STPG2: variants seen among roughly 807,000 people sequenced by gnomAD.
STPG2 encodes the protein sperm-tail PG-rich repeat-containing protein 2.
STPG2 carries 56 observed loss-of-function variants against 54.2 expected under a neutral mutation model. That is an observed-to-expected ratio of 1.03 (90% CI 0.83 to 1.29). STPG2 has a LOEUF of 1.29. Ranked by LOEUF, STPG2 falls within the 50% of genes most tolerant of loss-of-function variation. STPG2 has a pLI of 0.00. For missense variants in STPG2, 596 were observed against 544.9 expected (o/e 1.09, Z -0.93); for synonymous variants, 200 against 181.8 (o/e 1.10, Z -0.81).
rs113691940 is a variant in STPG2 at position 97,463,395 on chromosome 4, G to A, written c.462+249304C>T. The A allele has an allele frequency of 2.6e-5, 4 of 152,194 alleles. No individual in the cohort carries two copies. The South Asian group carries it at 6.2e-4, about 24-fold the overall frequency. 9.4% of individuals were successfully genotyped at this position (152,194 alleles called of 1,614,324 possible). On this transcript the variant is annotated intron_variant, in intron 4 of 4. Coordinates refer to the STPG2 transcript ENST00000522676. ...TAGAAAAGTAGTAGAAAGGATATTA[G>A]AGAGTTTCTGTATATACTATACCAC...
intron 8 of STPG2, among the ~76,000 whole-genome samples, chr4:97,900,089 C>A (rs1471863510): frequency 6.6e-6 from 1 of 151,970 alleles, no homozygotes; most frequent in South Asian, 2.1e-4. Context: ...GAAAAACAAC[C>A]CCATTAAAAA....
At chr4:97,807,557 T>C (rs72686411) in intron 9 of STPG2, among the ~76,000 whole-genome samples, 1,633 of 151,776 alleles carry the variant, frequency 0.011, 9 homozygotes, top group Non-Finnish European at 0.016. Flanking sequence ...AAACAGCAGA[T>C]TATACACAGA....
chr4:97,878,596 G>A (rs1730262181), intron 8 of STPG2, among the ~76,000 whole-genome samples: 1 of 152,118 alleles, frequency 6.6e-6, no homozygotes, highest in African/African-American at 2.4e-5. Flanking sequence ...ACAGCAGCTG[G>A]GACACAGGGC....
chr4:97,460,425 CT>C (rs370528511), intron 4 of STPG2, among the ~76,000 whole-genome samples: 123 of 147,896 alleles, frequency 8.3e-4, no homozygotes, highest in South Asian at 2.2e-3. Context: ...AATTATTTTT[CT>C]TTTTTTTTTA....
At chr4:98,143,019 C>A (rs1740341918) in intron 1 of STPG2, 23 bp downstream of exon 1, 1 of 1,593,760 alleles carries the variant, frequency 6.3e-7, no homozygotes, top group Non-Finnish European at 8.6e-7. Context: ...GTCACAGGAG[C>A]TCTGCCTCTT....
At chr4:97,865,056 C>T (rs1220820592) in intron 8 of STPG2, among the ~76,000 whole-genome samples, 1 of 152,004 alleles carries the variant, frequency 6.6e-6, no homozygotes, top group Non-Finnish European at 1.5e-5. Flanking sequence ...TCTAAAACAC[C>T]AAAAGCAATG....
intron 2 of STPG2, among the ~76,000 whole-genome samples, chr4:98,129,872 C>G (rs957313722): frequency 6.6e-6 from 1 of 151,966 alleles, no homozygotes; most frequent in Admixed American, 6.6e-5. Flanking sequence ...TTCTTTTTTT[C>G]TGAGACAGAG....
chr4:97,808,585 A>C (rs1293344333), intron 9 of STPG2, among the ~76,000 whole-genome samples: 1 of 151,572 alleles, frequency 6.6e-6, no homozygotes, highest in Non-Finnish European at 1.5e-5. Context: ...AATAGGAAAC[A>C]CTTCATCAGT....
intron 7 of STPG2, among the ~76,000 whole-genome samples, chr4:97,961,095 A>G (rs1017932114): frequency 2.0e-5 from 3 of 150,504 alleles, no homozygotes; most frequent in South Asian, 4.2e-4. Context: ...ATAAAATGGA[A>G]AAAAAAAAAC....
intron 5 of STPG2, among the ~76,000 whole-genome samples, chr4:98,081,657 T>A (rs892222981): frequency 6.6e-6 from 1 of 152,204 alleles, no homozygotes; most frequent in Admixed American, 6.5e-5. Context: ...GAGACATGAC[T>A]TGTGTTCATG....
intron 10 of STPG2, among the ~76,000 whole-genome samples, chr4:97,664,319 C>T (rs1027672133): frequency 3.9e-5 from 6 of 152,178 alleles, no homozygotes; most frequent in African/African-American, 1.4e-4. Flanking sequence ...CTGTCTGATT[C>T]CAAAGCTCAT....
At chr4:97,514,599 C>G (rs895249998) in intron 4 of STPG2, among the ~76,000 whole-genome samples, 11 of 152,056 alleles carry the variant, frequency 7.2e-5, no homozygotes, top group African/African-American at 2.7e-4. Flanking sequence ...GTAAACACAA[C>G]TGAATCATTT....
chr4:97,450,330 C>T (rs1729333002), intron 4 of STPG2, among the ~76,000 whole-genome samples: 1 of 152,080 alleles, frequency 6.6e-6, no homozygotes, highest in South Asian at 2.1e-4. Flanking sequence ...AGGCACTCTA[C>T]AAAGATCTAA....
intron 4 of STPG2, among the ~76,000 whole-genome samples, chr4:97,478,853 C>A (rs1183466231): frequency 6.7e-6 from 1 of 148,310 alleles, no homozygotes; most frequent in Non-Finnish European, 1.5e-5. Context: ...ACAAAATGAA[C>A]CCTAGAAACC....
intron 3 of STPG2, among the ~76,000 whole-genome samples, chr4:98,117,557 G>A (rs755389922): frequency 4.6e-5 from 7 of 151,748 alleles, no homozygotes; most frequent in Non-Finnish European, 7.4e-5. Flanking sequence ...TTATGTGTAT[G>A]TTGGTATACT....
intron 7 of STPG2, among the ~76,000 whole-genome samples, chr4:97,959,583 A>AT (rs1461187651): frequency 6.6e-6 from 1 of 152,098 alleles, no homozygotes; most frequent in East Asian, 1.9e-4. Flanking sequence ...ATCTTTATAC[A>AT]TAAAAACTAG....
chr4:97,683,641 A>T (rs1723098818), intron 10 of STPG2, among the ~76,000 whole-genome samples: 1 of 151,778 alleles, frequency 6.6e-6, no homozygotes. Context: ...TAACATCTAC[A>T]AAAAACCAAA....
At chr4:97,632,595 G>A (rs2148934169) in intron 10 of STPG2, among the ~76,000 whole-genome samples, 1 of 152,156 alleles carries the variant, frequency 6.6e-6, no homozygotes, top group Middle Eastern at 3.4e-3. Flanking sequence ...CAAAAAGAAT[G>A]TAACACATTT....
At chr4:97,977,904 G>A (rs1014631821) in intron 6 of STPG2, among the ~76,000 whole-genome samples, 17 of 152,152 alleles carry the variant, frequency 1.1e-4, no homozygotes, top group Non-Finnish European at 2.5e-4. Context: ...GAAAGACAGC[G>A]GGGAAAACGT....
Sources: allele counts gnomAD v4.1 joint callset (sites outside exome capture counted in the v4.1 genomes callset), GRCh38; gene constraint gnomAD v4.1.1; transcripts MANE v1.5; gene names NCBI Gene and HGNC (gene_info 2026-07-23, HGNC 2026-07-21).